PIK3AP1: variants seen among roughly 807,000 people sequenced by gnomAD.
PIK3AP1 encodes the protein phosphoinositide-3-kinase adaptor protein 1.
PIK3AP1 carries 21 observed loss-of-function variants against 88.1 expected under a neutral mutation model. The observed-to-expected ratio is 0.24, with a 90% CI of 0.17 to 0.34. The LOEUF is 0.34. PIK3AP1 is among the 10% of genes least tolerant of loss of function. The pLI, the probability that PIK3AP1 is intolerant of heterozygous loss-of-function variation, is 1.00. For missense variants in PIK3AP1, 828 were observed against 1,035.7 expected (o/e 0.80, Z 2.75); for synonymous variants, 398 against 400.0 (o/e 1.00, Z 0.06).
intron 9 of PIK3AP1, among the ~76,000 whole-genome samples, chr10:96,627,427 T>C (rs1843168674): frequency 6.6e-6 from 1 of 152,216 alleles, no homozygotes; most frequent in Admixed American, 6.5e-5. Context: ...CTGTTGCAGG[T>C]ACTCAACTGC....
chr10:96,660,174 G>C (rs530418689), intron 2 of PIK3AP1, among the ~76,000 whole-genome samples: 1 of 152,060 alleles, frequency 6.6e-6, no homozygotes, highest in African/African-American at 2.4e-5. Flanking sequence ...AGAATGCAGA[G>C]ATAAGCGATC....
chr10:96,690,625 C>T (rs747640620), intron 2 of PIK3AP1, among the ~76,000 whole-genome samples: 12 of 152,160 alleles, frequency 7.9e-5, no homozygotes, highest in Admixed American at 4.6e-4. Flanking sequence ...GTGTCCAGAT[C>T]GCTCATCTTT....
At chr10:96,696,015 G>A (rs754792648) in intron 2 of PIK3AP1, among the ~76,000 whole-genome samples, 1 of 152,180 alleles carries the variant, frequency 6.6e-6, no homozygotes, top group Non-Finnish European at 1.5e-5. Flanking sequence ...GGAAATGGTT[G>A]ACAATCCAAA....
At chr10:96,702,755 AT>A (rs1844315106) in intron 2 of PIK3AP1, among the ~76,000 whole-genome samples, 2 of 152,214 alleles carry the variant, frequency 1.3e-5, no homozygotes, top group African/African-American at 4.8e-5. Flanking sequence ...AATATATACA[AT>A]TTTTATTTGT....
chr10:96,666,275 C>A (rs1233818881), intron 2 of PIK3AP1, among the ~76,000 whole-genome samples: 1 of 151,910 alleles, frequency 6.6e-6, no homozygotes, highest in African/African-American at 2.4e-5. Context: ...AAAAATTAGC[C>A]GGGCGTGGTA....
chr10:96,622,609 T>C (rs1010059752), intron 11 of PIK3AP1, among the ~76,000 whole-genome samples: 1 of 152,226 alleles, frequency 6.6e-6, no homozygotes, highest in Non-Finnish European at 1.5e-5. Context: ...AGGCTCTCTT[T>C]AATGGTATTG....
rs780929861 is a variant in PIK3AP1 at position 96,623,504 on chromosome 10, T to A, written c.1703A>T (p.Asn568Ile). Residue 568 changes from asparagine to isoleucine, a missense_variant, in exon 11 of 17, where the codon AAT becomes ATT. By Grantham distance (149) the Asn-to-Ile change is moderately radical. Around this residue, in one of 3 missense-constraint regions of PIK3AP1, gnomAD observed 610 missense variants for 760.1 expected, o/e 0.80. Transcript: ENST00000339364. Reference sequence around the variant, plus strand: ...GATGCTCTCTGAGGAAACGTAGAAATTCCCAGGCCGCTCTTGACTTTTTTC... The same window carrying A: ...GATGCTCTCTGAGGAAACGTAGAAAATCCCAGGCCGCTCTTGACTTTTTTC... ...FAEKSQERPG[N>I]FYVSSESIRK... 3.7e-6 allele frequency: 6 copies of A among 1,612,226 alleles called. No homozygotes were observed. The Admixed American group carries it at 5.0e-5, about 13-fold the overall frequency.
intron 2 of PIK3AP1, chr10:96,669,669 G>C (rs1444995866): frequency 6.6e-6 from 1 of 151,836 alleles, no homozygotes; most frequent in East Asian, 2.0e-4. Context: ...GTGTGTGCTT[G>C]TGGTCCCAGC....
chr10:96,710,113 A>T (rs1434333868), intron 1 of PIK3AP1, 130 bp from the exon 2 acceptor site: 4 of 748,370 alleles, frequency 5.3e-6, no homozygotes, highest in Non-Finnish European at 8.5e-6. Context: ...TGCCTCCAGC[A>T]CACCAGCACA....
In PIK3AP1 at chr10:96,709,502, C is replaced by T. The variant is rs916096381; in HGVS notation, c.430+65G>A. On this transcript the variant is annotated intron_variant, in intron 2 of 16. Transcript: ENST00000339364. ...ATCCCCGCTCATTTTGGAATATAAA[C>T]TTACACCTAGGACCTGGATTAGCAA... 6.6e-6 allele frequency: 10 copies of T among 1,512,752 alleles called. No homozygotes were observed. In the Admixed American group the frequency reaches 1.7e-4, roughly 25 times the overall value. 93.7% of individuals were successfully genotyped at this position (1,512,752 alleles called of 1,614,324 possible).
At chr10:96,611,547 T>G (rs147342770) in intron 13 of PIK3AP1, among the ~76,000 whole-genome samples, 6,024 of 152,178 alleles carry the variant, frequency 0.04, 148 homozygotes, top group African/African-American at 0.064. Context: ...TTGGCTCACT[T>G]CAACCTCTGC....
intron 11 of PIK3AP1, 32 bp downstream of exon 11, chr10:96,623,440 C>T (rs764547778): frequency 1.3e-6 from 2 of 1,564,486 alleles, no homozygotes; most frequent in Admixed American, 3.3e-5. Flanking sequence ...TTCAACCACA[C>T]AAAAGTTCAG....
intron 12 of PIK3AP1, among the ~76,000 whole-genome samples, chr10:96,617,822 C>G (rs1346436218): frequency 6.6e-6 from 1 of 152,136 alleles, no homozygotes; most frequent in Non-Finnish European, 1.5e-5. Flanking sequence ...AGGAAAGCGG[C>G]CTTGAGGGAT....
Position 96,719,217 on chromosome 10 carries a change from T to C in PIK3AP1, c.13+1165A>G, listed in dbSNP as rs549390864. On this transcript the variant is annotated intron_variant, in intron 1 of 16. Transcript: ENST00000339364. ...TCCCCTTTAATGAGCCTGTAGTACA[T>C]GGAACAATCACTCCTGGCCTTTTCT... 6.6e-5 allele frequency among the ~76,000 whole-genome samples: 10 copies of C among 152,296 alleles called. No individual in the cohort carries two copies. In the South Asian group the frequency reaches 2.1e-3, roughly 32 times the overall value.
chr10:96,618,854 T>C (rs868193539), intron 12 of PIK3AP1: 1 of 152,200 alleles, frequency 6.6e-6, no homozygotes, highest in Non-Finnish European at 1.5e-5. Flanking sequence ...GGGCCAGCCT[T>C]TTCTCAGCAG....
At chr10:96,631,919 A>C (rs1462004124) in intron 8 of PIK3AP1, among the ~76,000 whole-genome samples, 1 of 150,836 alleles carries the variant, frequency 6.6e-6, no homozygotes, top group Non-Finnish European at 1.5e-5. Context: ...AACAAAATAA[A>C]ATAAAACAGA....
chr10:96,683,154 C>T (rs1053862927), intron 2 of PIK3AP1, among the ~76,000 whole-genome samples: 1 of 152,108 alleles, frequency 6.6e-6, no homozygotes, highest in Non-Finnish European at 1.5e-5. Context: ...AAAGGATGTC[C>T]GCATCATGTC....
At chr10:96,702,385 G>C (rs1235591718) in intron 2 of PIK3AP1, among the ~76,000 whole-genome samples, 2 of 151,784 alleles carry the variant, frequency 1.3e-5, no homozygotes, top group Non-Finnish European at 2.9e-5. Flanking sequence ...TGTAGTCCCA[G>C]CTACTCAGGA....
rs1000732949 is a variant in PIK3AP1 at position 96,628,562 on chromosome 10, G to T, written c.1376-69C>A. ...ACAGGCAAGGAGATTTTTACAGATG[G>T]AACTATGAGGTTTGGCAACTCTCTT... On this transcript the variant is annotated intron_variant, in intron 8 of 16. Coordinates refer to ENST00000339364, the MANE Select transcript of PIK3AP1 (RefSeq NM_152309.3). The T allele has an allele frequency of 3.9e-6, 5 of 1,265,828 alleles. No homozygotes were observed. The African/African-American group carries it at 5.9e-5, about 15-fold the overall frequency. 78.4% of individuals were successfully genotyped at this position (1,265,828 alleles called of 1,614,324 possible). A position where few individuals can be genotyped will look rare whatever the true frequency, so the allele number is the denominator to read the frequency against.
Sources: gnomAD v4.1 joint callset for allele counts (sites outside exome capture counted in the v4.1 genomes callset) on GRCh38, gnomAD v4.1.1 for gene constraint, gnomAD v4.1.1 regional missense constraint, MANE v1.5 for transcripts, NCBI Gene and HGNC (gene_info 2026-07-23, HGNC 2026-07-21) for gene names.